Variants in ZNF623 observed in about 807,000 individuals in gnomAD.
ZNF623 encodes zinc finger protein 623.
A neutral mutation model predicts 24.0 loss-of-function variants in ZNF623; 16 were observed. The ratio of observed to expected loss-of-function variants is 0.67; its 90% CI spans 0.45 to 1.01. The LOEUF is 1.01. ZNF623 is among the 50% of genes least tolerant of loss of function. ZNF623 has a pLI of 0.00. For missense variants in ZNF623, 566 were observed against 606.5 expected (o/e 0.93, Z 0.70); for synonymous variants, 224 against 219.8 (o/e 1.02, Z -0.17).
intron 1 of ZNF623, among the ~76,000 whole-genome samples, chr8:143,642,680 T>C (rs1815082680): frequency 6.6e-6 from 1 of 152,108 alleles, no homozygotes; most frequent in Non-Finnish European, 1.5e-5. Flanking sequence ...TATTGTTATA[T>C]CCAGGGAAGG....
chr8:143,636,347 G>T (rs1814921231), intron 1 of ZNF623: 1 of 152,288 alleles, frequency 6.6e-6, no homozygotes, highest in Non-Finnish European at 1.5e-5. Flanking sequence ...GCCCCCGCGA[G>T]GCTGCGGCGT....
intron 1 of ZNF623, among the ~76,000 whole-genome samples, chr8:143,639,208 T>G (rs956846425): frequency 6.8e-6 from 1 of 146,526 alleles, no homozygotes; most frequent in Non-Finnish European, 1.5e-5. Flanking sequence ...CTTTTTAATT[T>G]ATTTTTATTT....
At chr8:143,637,328 G>A (rs1468614420) in intron 1 of ZNF623, among the ~76,000 whole-genome samples, 1 of 152,126 alleles carries the variant, frequency 6.6e-6, no homozygotes, top group African/African-American at 2.4e-5. Flanking sequence ...GTTTCCTGAG[G>A]GTGAAGCTTG....
chr8:143,651,739 T>C lies in ZNF623; in HGVS notation c.*256T>C. Reference sequence around the variant, plus strand: ...AGTAGGGGCAGGGAGAAGACAGGTCTCAAGAAAAGGTTTTTAAGAAGTTTC... The same window carrying C: ...AGTAGGGGCAGGGAGAAGACAGGTCCCAAGAAAAGGTTTTTAAGAAGTTTC... On this transcript the variant is annotated 3_prime_UTR_variant, in exon 2 of 2. Coordinates refer to ENST00000526926, the MANE Select transcript of ZNF623 (RefSeq NM_001261843.2). 2.3e-6 allele frequency: 1 copy of C among 442,210 alleles called. No homozygotes were observed. Among genetic ancestry groups the C allele is most frequent in the South Asian group, 6.2e-5 (1 of 16,040 alleles). The allele number at this position is 442,210 out of a possible 1,614,324, so 27.4% of individuals were successfully genotyped here.
At chr8:143,640,402 C>T (rs1453236428) in intron 1 of ZNF623, among the ~76,000 whole-genome samples, 1 of 152,134 alleles carries the variant, frequency 6.6e-6, no homozygotes, top group Non-Finnish European at 1.5e-5. Flanking sequence ...TGAAGTTTGT[C>T]ACATCAGTGG....
chr8:143,647,413 C>T (rs577653658), intron 1 of ZNF623, among the ~76,000 whole-genome samples: 4 of 152,342 alleles, frequency 2.6e-5, no homozygotes, highest in African/African-American at 9.6e-5. Context: ...CCGCCCGCCT[C>T]TGCCTCCCAA....
intron 1 of ZNF623, among the ~76,000 whole-genome samples, chr8:143,641,438 T>G: frequency 1.5e-5 from 2 of 133,900 alleles, no homozygotes; most frequent in Non-Finnish European, 3.2e-5. Context: ...TGTCAGTGAG[T>G]AGTGTTTTTT....
At chr8:143,640,716 G>A (rs1815029004) in intron 1 of ZNF623, among the ~76,000 whole-genome samples, 2 of 151,996 alleles carry the variant, frequency 1.3e-5, no homozygotes, top group Non-Finnish European at 2.9e-5. Context: ...TGAGGCAGGT[G>A]GATCACCTGA....
intron 1 of ZNF623, among the ~76,000 whole-genome samples, chr8:143,637,071 G>A (rs189827126): frequency 7.2e-5 from 11 of 152,340 alleles, no homozygotes; most frequent in Non-Finnish European, 1.5e-5. Flanking sequence ...GCAGCATGCC[G>A]GTAGCAGAAG....
intron 1 of ZNF623, among the ~76,000 whole-genome samples, chr8:143,642,447 T>A (rs1328923038): frequency 6.6e-6 from 1 of 152,212 alleles, no homozygotes; most frequent in Non-Finnish European, 1.5e-5. Context: ...ATCCTGTCAT[T>A]TGTGTGTTCA....
chr8:143,641,464 T>C (rs1815054700), intron 1 of ZNF623, among the ~76,000 whole-genome samples: 1 of 1,654 alleles, frequency 6.0e-4, no homozygotes, highest in African/African-American at 6.2e-4. Flanking sequence ...TTTTTTTTTT[T>C]TTTCTTTTTT....
At chr8:143,643,187 T>C (rs899755123) in intron 1 of ZNF623, among the ~76,000 whole-genome samples, 4 of 152,178 alleles carry the variant, frequency 2.6e-5, no homozygotes, top group Non-Finnish European at 5.9e-5. Flanking sequence ...ACAGGGTTCT[T>C]AGTCCTACAG....
intron 1 of ZNF623, among the ~76,000 whole-genome samples, chr8:143,645,789 A>T (rs531094248): frequency 1.1e-4 from 16 of 152,250 alleles, no homozygotes; most frequent in African/African-American, 3.1e-4. Flanking sequence ...ACCCTGTCCT[A>T]TCCGGGGCTG....
intron 1 of ZNF623, among the ~76,000 whole-genome samples, chr8:143,636,594 C>G (rs1443117099): frequency 6.6e-6 from 1 of 152,130 alleles, no homozygotes; most frequent in African/African-American, 2.4e-5. Flanking sequence ...GTGCCTGAAC[C>G]CTGCCTCCGC....
At chr8:143,645,217 G>T (rs1815146720) in intron 1 of ZNF623, among the ~76,000 whole-genome samples, 1 of 152,172 alleles carries the variant, frequency 6.6e-6, no homozygotes, top group African/African-American at 2.4e-5. Context: ...GCCAAGGCGG[G>T]CGGATCACAA....
chr8:143,648,810 G>A (rs953348182), intron 1 of ZNF623, among the ~76,000 whole-genome samples: 1 of 152,068 alleles, frequency 6.6e-6, no homozygotes, highest in African/African-American at 2.4e-5. Context: ...GTCCTTGCCT[G>A]ATTTCTTCTG....
chr8:143,649,803 TC>T (rs1815251516), intron 1 of ZNF623, 94 bp from the exon 2 acceptor site: 2 of 1,491,448 alleles, frequency 1.3e-6, no homozygotes, highest in Non-Finnish European at 1.8e-6. Context: ...GGAAACACTT[TC>T]CACCTCTTGG....
In ZNF623 at chr8:143,651,574, T is replaced by G; in HGVS notation, c.*91T>G. On this transcript the variant is annotated 3_prime_UTR_variant, in exon 2 of 2. Transcript: ENST00000526926. ...CTAAGATTTGGACATGTCAGAATTTTGTGAGTCATGGATGGGGCTGCTTTT... is the reference window on the plus strand; with the variant it reads ...CTAAGATTTGGACATGTCAGAATTTGGTGAGTCATGGATGGGGCTGCTTTT... The G allele has an allele frequency of 6.9e-7, 1 of 1,449,406 alleles. No homozygotes were observed. Among genetic ancestry groups the G allele is most frequent in the Non-Finnish European group, 9.3e-7 (1 of 1,076,686 alleles). 89.8% of individuals were successfully genotyped at this position (1,449,406 alleles called of 1,614,324 possible).
chr8:143,645,946 C>T (rs1315454272), intron 1 of ZNF623, among the ~76,000 whole-genome samples: 1 of 152,162 alleles, frequency 6.6e-6, no homozygotes, highest in East Asian at 1.9e-4. Flanking sequence ...ACCTGCTAGA[C>T]ATTCTAAAAG....
Sources: gnomAD v4.1 joint callset for allele counts (sites outside exome capture counted in the v4.1 genomes callset) on GRCh38, gnomAD v4.1.1 for gene constraint, MANE v1.5 for transcripts, NCBI Gene and HGNC (gene_info 2026-07-23, HGNC 2026-07-21) for gene names.